The following ATP9B variants were observed in gnomAD, a reference collection of about 807,000 sequenced individuals.
ATP9B encodes probable phospholipid-transporting ATPase IIB.
ATP9B carries 110 observed loss-of-function variants against 146.1 expected under a neutral mutation model. That is an observed-to-expected ratio of 0.75 (90% CI 0.65 to 0.88). ATP9B has a LOEUF of 0.88. Among genes scored for constraint, ATP9B ranks in the 40% least tolerant of loss-of-function variants. The probability of loss-of-function intolerance (pLI) is 0.00; values close to 1 mark genes in which losing one functional copy is unlikely to be tolerated. For synonymous variants in ATP9B, 604 were observed against 569.7 expected, an observed-to-expected ratio of 1.06 and a Z score of -0.86; for missense variants, 1,499 against 1,496.4, an observed-to-expected ratio of 1.00 and a Z score of -0.03.
intron 13 of ATP9B, among the ~76,000 whole-genome samples, chr18:79,288,893 T>A (rs1263868166): frequency 2.0e-5 from 3 of 152,262 alleles, no homozygotes; most frequent in Non-Finnish European, 2.9e-5. Context: ...TGGCTGGATA[T>A]GAAATTCTCG....
At chr18:79,081,622 C>G (rs2073270210) in intron 1 of ATP9B, among the ~76,000 whole-genome samples, 5 of 148,720 alleles carry the variant, frequency 3.4e-5, no homozygotes, top group Non-Finnish European at 6.0e-5. Context: ...ACACGAAAAA[C>G]CCTTCAAACC....
At chr18:79,185,130 G>A (rs72996146) in intron 8 of ATP9B, among the ~76,000 whole-genome samples, 2,158 of 152,250 alleles carry the variant, frequency 0.014, 28 homozygotes, top group Non-Finnish European at 0.023. Context: ...ATACTTTTGT[G>A]AGTAATGAAA....
chr18:79,297,151 C>T (rs2096556748), intron 13 of ATP9B, among the ~76,000 whole-genome samples: 1 of 136,566 alleles, frequency 7.3e-6, no homozygotes, highest in Non-Finnish European at 1.5e-5. Context: ...AGAGAGGAGA[C>T]AGAGAGACGA....
chr18:79,128,216 G>C (rs1007782109), intron 5 of ATP9B, among the ~76,000 whole-genome samples: 3 of 151,368 alleles, frequency 2.0e-5, no homozygotes, highest in African/African-American at 7.3e-5. Context: ...CCTGCACTGC[G>C]CCCGGGTGAT....
At chr18:79,260,855 C>G (rs1223364722) in intron 12 of ATP9B, among the ~76,000 whole-genome samples, 1 of 152,156 alleles carries the variant, frequency 6.6e-6, no homozygotes, top group African/African-American at 2.4e-5. Flanking sequence ...CGAAACTTAA[C>G]AGTTTGCCTT....
At chr18:79,302,263 T>A (rs550618490) in intron 13 of ATP9B, among the ~76,000 whole-genome samples, 1 of 152,308 alleles carries the variant, frequency 6.6e-6, no homozygotes, top group East Asian at 1.9e-4. Context: ...GTGAAATAAG[T>A]GCAGAAACCT....
intron 9 of ATP9B, among the ~76,000 whole-genome samples, chr18:79,198,960 AT>A (rs1216849157): frequency 5.4e-4 from 80 of 148,352 alleles, no homozygotes; most frequent in African/African-American, 1.4e-3. Flanking sequence ...TATAACTTTA[AT>A]TTTTTTTTTT....
rs558117449 is a variant in ATP9B at position 79,334,628 on chromosome 18, C to T, written c.2029-2000C>T. On this transcript the variant is annotated intron_variant, in intron 17 of 29. Transcript: ENST00000426216. The stretch of plus-strand genomic sequence containing the variant: ...AGCCCCGACACCCCCTGGGGCTGTC[C>T]GGGAGCCCAGCACCCTCCACCCCTG... 3.9e-5 allele frequency among the ~76,000 whole-genome samples: 6 copies of T among 152,092 alleles called. No individual in the cohort carries two copies. The South Asian group carries it at 6.2e-4, about 16-fold the overall frequency.
intron 15 of ATP9B, among the ~76,000 whole-genome samples, chr18:79,307,999 G>A (rs2096628591): frequency 6.6e-6 from 1 of 152,094 alleles, no homozygotes; most frequent in Admixed American, 6.6e-5. Flanking sequence ...CGTACCTTCA[G>A]TGAAAACAAA....
chr18:79,098,854 T>C (rs564764691), intron 2 of ATP9B, among the ~76,000 whole-genome samples: 50 of 152,348 alleles, frequency 3.3e-4, no homozygotes, highest in African/African-American at 1.1e-3. Flanking sequence ...GTTCAGTGTT[T>C]ATCTTTCATT....
intron 12 of ATP9B, among the ~76,000 whole-genome samples, chr18:79,260,446 C>G (rs2145273412): frequency 6.6e-6 from 1 of 152,260 alleles, no homozygotes; most frequent in East Asian, 1.9e-4. Flanking sequence ...GACACAGAGC[C>G]AGACCATTTC....
chr18:79,105,822 G>T (rs571842671), intron 2 of ATP9B, among the ~76,000 whole-genome samples: 44 of 152,302 alleles, frequency 2.9e-4, no homozygotes, highest in African/African-American at 1.0e-3. Context: ...ATCGGCAGAC[G>T]TTGAGGGCAC....
chr18:79,148,428 G>A (rs1337546868), intron 6 of ATP9B, among the ~76,000 whole-genome samples: 1 of 152,184 alleles, frequency 6.6e-6, no homozygotes, highest in African/African-American at 2.4e-5. Context: ...TATTCCAGGT[G>A]TGTAAATGTG....
At chr18:79,135,754 G>A (rs2094440025) in intron 5 of ATP9B, among the ~76,000 whole-genome samples, 1 of 151,982 alleles carries the variant, frequency 6.6e-6, no homozygotes, top group South Asian at 2.1e-4. Context: ...TGTTTCTCCT[G>A]TTTTCTTCTA....
intron 5 of ATP9B, among the ~76,000 whole-genome samples, chr18:79,131,011 A>C (rs1189636076): frequency 6.6e-6 from 1 of 152,138 alleles, no homozygotes; most frequent in Admixed American, 6.5e-5. Context: ...AAATACAAAA[A>C]TGAGCTGGGC....
At chr18:79,248,531 A>T (rs1363951942) in intron 11 of ATP9B, among the ~76,000 whole-genome samples, 2 of 152,214 alleles carry the variant, frequency 1.3e-5, no homozygotes, top group Non-Finnish European at 2.9e-5. Flanking sequence ...GAAATGAAGA[A>T]CTGATCCACA....
chr18:79,176,719 G>T, intron 7 of ATP9B, 94 bp from the exon 8 acceptor site: 1 of 975,784 alleles, frequency 1.0e-6, no homozygotes. Flanking sequence ...TTGTCCTACT[G>T]TGCCCTGGAA....
chr18:79,117,288 TA>T (rs1223094502), intron 4 of ATP9B: 1 of 152,156 alleles, frequency 6.6e-6, no homozygotes, highest in African/African-American at 2.4e-5. Context: ...CTAATAGAAC[TA>T]AAATTCTGGG....
At chr18:79,229,663 C>T (rs571810222) in intron 11 of ATP9B, among the ~76,000 whole-genome samples, 1 of 152,294 alleles carries the variant, frequency 6.6e-6, no homozygotes, top group African/African-American at 2.4e-5. Context: ...GTTACTGCTG[C>T]GTGTTTCTAG....
Sources: gnomAD v4.1 joint callset for allele counts (sites outside exome capture counted in the v4.1 genomes callset) on GRCh38, gnomAD v4.1.1 for gene constraint, MANE v1.5 for transcripts, NCBI Gene and HGNC (gene_info 2026-07-23, HGNC 2026-07-21) for gene names.